Variants in TMBIM4 observed in about 807,000 individuals in gnomAD.
TMBIM4 encodes the protein protein lifeguard 4.
TMBIM4 carries 28 observed loss-of-function variants against 27.7 expected under a neutral mutation model. That is an observed-to-expected ratio of 1.01 (90% confidence interval 0.75 to 1.38). TMBIM4 has a LOEUF of 1.38. TMBIM4 is among the 40% of genes most tolerant of loss of function. TMBIM4 has a pLI of 0.00. For missense variants in TMBIM4, 265 were observed against 277.5 expected, an observed-to-expected ratio of 0.95 and a Z score of 0.32; for synonymous variants, 115 against 113.1, an observed-to-expected ratio of 1.02 and a Z score of -0.11.
chr12:66,139,948 A>G (rs2051640740), intron 5 of TMBIM4, among the ~76,000 whole-genome samples: 1 of 152,176 alleles, frequency 6.6e-6, no homozygotes. Context: ...TGAGCCCCTA[A>G]GCTAAAAGCT....
At chr12:66,158,158 G>A (rs1208817723) in intron 1 of TMBIM4, among the ~76,000 whole-genome samples, 5 of 149,862 alleles carry the variant, frequency 3.3e-5, no homozygotes, top group Non-Finnish European at 5.9e-5. Context: ...CCCGGGAGGC[G>A]GAGCTTGCAG....
Position 66,153,335 on chromosome 12 carries a change from C to G in TMBIM4, c.206+5G>C. The stretch of plus-strand genomic sequence containing the variant: ...AAATTATTCATTACCATCTCATTAC[C>G]TTACCTCTCATGTACAAATGTCCGT... On this transcript the variant is annotated splice_donor_5th_base_variant and intron_variant, in intron 2 of 6. Transcript: ENST00000358230. The G allele has an allele frequency of 6.7e-7, 1 of 1,492,524 alleles. No individual in the cohort carries two copies. The highest frequency in any genetic ancestry group is 9.2e-7 in the Non-Finnish European group (1 of 1,086,886). The allele number at this position is 1,492,524 out of a possible 1,614,324, so 92.5% of individuals were successfully genotyped here.
At chr12:66,168,923 TACC>T (rs565724963) in intron 1 of TMBIM4, 22 of 201,666 alleles carry the variant, frequency 1.1e-4, no homozygotes, top group East Asian at 9.7e-4. Context: ...ACCTGTATTT[TACC>T]ACAATTAATT....
At position 66,169,972 on chromosome 12, in the gene TMBIM4, C is replaced by G. The variant is rs1291559624; in HGVS notation, c.-21G>C. 2 of 1,463,338 alleles carry G rather than the reference C, an allele frequency of 1.4e-6. No homozygotes were observed. Among genetic ancestry groups the G allele is most frequent in the Non-Finnish European group, 1.8e-6 (2 of 1,105,196 alleles). The allele number at this position is 1,463,338 out of a possible 1,614,324, so 90.6% of individuals were successfully genotyped here. A position where few individuals can be genotyped will look rare whatever the true frequency, so the allele number is the denominator to read the frequency against. ...GCCATGATGGCAACAGCACCCCTAC[C>G]GGTCCCGGTCCACTAACCGCAACCG... On this transcript the variant is annotated 5_prime_UTR_variant, in exon 1 of 7. Transcript: ENST00000358230.
intron 1 of TMBIM4, among the ~76,000 whole-genome samples, chr12:66,154,073 C>G (rs1039603400): frequency 6.6e-6 from 1 of 152,144 alleles, no homozygotes; most frequent in African/African-American, 2.4e-5. Context: ...TTAAAGTCTT[C>G]TGATATACAG....
intron 1 of TMBIM4, among the ~76,000 whole-genome samples, chr12:66,157,446 C>T (rs2051956228): frequency 6.6e-6 from 1 of 152,136 alleles, no homozygotes; most frequent in African/African-American, 2.4e-5. Context: ...CTAAAACTAC[C>T]CATATTCCTG....
intron 2 of TMBIM4, among the ~76,000 whole-genome samples, chr12:66,152,620 A>G (rs922004624): frequency 2.0e-5 from 3 of 152,082 alleles, no homozygotes; most frequent in Non-Finnish European, 4.4e-5. Flanking sequence ...TCTTTTTACC[A>G]TATAAACTTC....
intron 1 of TMBIM4, among the ~76,000 whole-genome samples, chr12:66,166,858 C>T (rs1489153431): frequency 2.6e-5 from 4 of 152,184 alleles, no homozygotes; most frequent in South Asian, 2.1e-4. Flanking sequence ...GTTTACAAAG[C>T]AGCTTTATTG....
intron 3 of TMBIM4, among the ~76,000 whole-genome samples, 183 bp from the exon 4 acceptor site, chr12:66,148,124 G>A (rs1465608548): frequency 6.6e-6 from 1 of 152,156 alleles, no homozygotes; most frequent in East Asian, 1.9e-4. Context: ...TCAGTATATT[G>A]AGTGGGAATA....
intron 1 of TMBIM4, among the ~76,000 whole-genome samples, chr12:66,153,670 AAAAAAAAT>A (rs1357929824): frequency 6.6e-6 from 1 of 151,910 alleles, no homozygotes; most frequent in East Asian, 1.9e-4. Flanking sequence ...GCATGAGCCT[AAAAAAAAT>A]TAGTGGGCCA....
chr12:66,166,359 G>A (rs1443119320), intron 1 of TMBIM4, among the ~76,000 whole-genome samples: 1 of 151,584 alleles, frequency 6.6e-6, no homozygotes, highest in Non-Finnish European at 1.5e-5. Context: ...CAGCTACTCA[G>A]GAGGCCGAGA....
chr12:66,138,701 T>C, intron 6 of TMBIM4, 23 bp downstream of exon 6: 1 of 1,525,566 alleles, frequency 6.6e-7, no homozygotes, highest in South Asian at 1.3e-5. Context: ...ATATTTCAAA[T>C]TAACCATTAT....
Position 66,137,919 on chromosome 12 carries a change from A to ATTT in TMBIM4, c.*38_*40dup. On this transcript the variant is annotated 3_prime_UTR_variant, in exon 7 of 7. Coordinates refer to ENST00000358230, the MANE Select transcript of TMBIM4 (RefSeq NM_016056.4). ...TACTTTAATCCTTTTTTCTCATTAA[A>ATTT]TTTTTTTTGTTGTTCTTCAGTTGAG... is the stretch of plus-strand genomic sequence containing the variant. 1.3e-6 allele frequency: 2 copies of ATTT among 1,556,382 alleles called. No homozygotes were observed. Among genetic ancestry groups the ATTT allele is most frequent in the Non-Finnish European group, 1.8e-6 (2 of 1,135,548 alleles).
intron 1 of TMBIM4, among the ~76,000 whole-genome samples, chr12:66,163,436 G>A (rs12814606): frequency 0.074 from 11,327 of 152,042 alleles, 848 homozygotes; most frequent in East Asian, 0.44. Context: ...TTTCTACAGC[G>A]GGGGAAGGCC....
rs868138345 is a variant in TMBIM4 at position 66,136,986 on chromosome 12, A to C, written c.*974T>G. 1 of 152,226 alleles carries C rather than the reference A, an allele frequency of 6.6e-6. No individual in the cohort carries two copies. Among genetic ancestry groups the C allele is most frequent in the Non-Finnish European group, 1.5e-5 (1 of 68,040 alleles). 9.4% of individuals were successfully genotyped at this position (152,226 alleles called of 1,614,324 possible). A position where few individuals can be genotyped will look rare whatever the true frequency, so the allele number is the denominator to read the frequency against. On this transcript the variant is annotated 3_prime_UTR_variant, in exon 7 of 7. Transcript: ENST00000358230. ...AAATAGATATACTTAATGGCTGATG[A>C]CCCAGTATCTTTGGTGTCCTCTAAC... is the stretch of plus-strand genomic sequence containing the variant.
At position 66,162,863 on chromosome 12, in the gene TMBIM4, A is replaced by T. The variant is rs574884465; in HGVS notation, c.97+6992T>A. On this transcript the variant is annotated intron_variant, in intron 1 of 6. Coordinates refer to ENST00000358230, the MANE Select transcript of TMBIM4 (RefSeq NM_016056.4). ...GATTCCTTCCCCAAACTCCCTCCAA[A>T]CTTGGCGCTTTAGAATTTAATTATG... Among the ~76,000 whole-genome samples, 7 of 152,174 alleles carry T rather than the reference A, an allele frequency of 4.6e-5. No homozygotes were observed. The South Asian group carries it at 1.5e-3, about 32-fold the overall frequency.
intron 1 of TMBIM4, among the ~76,000 whole-genome samples, chr12:66,167,428 A>G (rs1210817172): frequency 6.6e-6 from 1 of 152,248 alleles, no homozygotes; most frequent in African/African-American, 2.4e-5. Flanking sequence ...TAAAAAATTA[A>G]TTGGGCAAAG....
chr12:66,139,224 C>CTTAA (rs753215532), intron 5 of TMBIM4, among the ~76,000 whole-genome samples: 2 of 152,148 alleles, frequency 1.3e-5, no homozygotes, highest in African/African-American at 4.8e-5. Context: ...TATTATGGAA[C>CTTAA]TTAATTGATG....
At chr12:66,167,949 G>A (rs1158213494) in intron 1 of TMBIM4, among the ~76,000 whole-genome samples, 1 of 152,216 alleles carries the variant, frequency 6.6e-6, no homozygotes, top group Non-Finnish European at 1.5e-5. Context: ...GCCAGGTGCA[G>A]TGGCTCATGC....
Sources: gnomAD v4.1 joint callset for allele counts (sites outside exome capture counted in the v4.1 genomes callset) on GRCh38, gnomAD v4.1.1 for gene constraint, MANE v1.5 for transcripts, NCBI Gene and HGNC (gene_info 2026-07-23, HGNC 2026-07-21) for gene names.